MARCHF1: variants seen among roughly 807,000 people sequenced by gnomAD.
MARCHF1 encodes the protein membrane associated ring-CH-type finger 1.
Under a neutral mutation model 54.2 loss-of-function variants are expected in MARCHF1, and 40 were observed. That is an observed-to-expected ratio of 0.74 (90% confidence interval 0.57 to 0.96). MARCHF1 has a LOEUF of 0.96. MARCHF1 is among the 40% of genes least tolerant of loss of function. The pLI is 0.00. For missense variants in MARCHF1, 586 were observed against 656.5 expected (o/e 0.89, Z 1.17); for synonymous variants, 236 against 236.3 (o/e 1.00, Z 0.01).
At chr4:164,147,825 TAAAAAAAGTCAATA>T (rs1211668687) in intron 1 of MARCHF1, among the ~76,000 whole-genome samples, 22 of 132,354 alleles carry the variant, frequency 1.7e-4, no homozygotes, top group African/African-American at 5.7e-4. Flanking sequence ...AGTATAATAA[TAAAAAAAGTCAATA>T]AAAAAAATAA....
intron 7 of MARCHF1, 57 bp downstream of exon 7, chr4:163,612,214 T>G: frequency 7.2e-7 from 1 of 1,391,188 alleles, no homozygotes; most frequent in Non-Finnish European, 9.4e-7. Context: ...CGCACCTAAC[T>G]CACTGCAAAA....
chr4:164,324,083 C>G (rs546652549), intron 1 of MARCHF1, among the ~76,000 whole-genome samples: 1 of 151,812 alleles, frequency 6.6e-6, no homozygotes, highest in East Asian at 1.9e-4. Context: ...AATATGAATA[C>G]ATAGAACCTA....
chr4:163,964,708 C>G (rs1308449556), intron 3 of MARCHF1, among the ~76,000 whole-genome samples: 1 of 151,806 alleles, frequency 6.6e-6, no homozygotes, highest in Non-Finnish European at 1.5e-5. Context: ...TTCTATAACC[C>G]TTTTTCCATG....
intron 8 of MARCHF1, 43 bp downstream of exon 8, chr4:163,585,706 T>C: frequency 4.2e-6 from 6 of 1,431,942 alleles, no homozygotes; most frequent in Non-Finnish European, 5.6e-6. Context: ...CAAGTCTGCT[T>C]TGCAAATGGT....
intron 1 of MARCHF1, among the ~76,000 whole-genome samples, chr4:164,321,184 C>A (rs142913111): frequency 2.0e-5 from 3 of 152,106 alleles, no homozygotes; most frequent in Non-Finnish European, 4.4e-5. Context: ...TGATAGAAAA[C>A]CTCTGTAGAA....
chr4:164,120,363 A>T lies in MARCHF1; in HGVS notation c.-322-8701T>A, dbSNP rs144517146. ...AGTATTATTAGAGCTAAAGAGAGAGATAGGGCCCAATACATTAATAGCTGG... is the reference window on the plus strand; with the variant it reads ...AGTATTATTAGAGCTAAAGAGAGAGTTAGGGCCCAATACATTAATAGCTGG... On this transcript the variant is annotated intron_variant, in intron 1 of 9. Transcript: ENST00000514618. Among the ~76,000 whole-genome samples the T allele has an allele frequency of 3.6e-3, 553 of 152,250 alleles. 12 individuals are homozygous for T. The highest frequency in any genetic ancestry group is 0.03 in the Admixed American group (454 of 15,264).
At chr4:163,737,911 A>T (rs1381058193) in intron 4 of MARCHF1, among the ~76,000 whole-genome samples, 1 of 77,730 alleles carries the variant, frequency 1.3e-5, no homozygotes, top group East Asian at 2.0e-4. Context: ...ATTACTGGGT[A>T]TATACCCAAA....
At chr4:163,595,279 A>T (rs1374569391) in intron 7 of MARCHF1, among the ~76,000 whole-genome samples, 1 of 151,886 alleles carries the variant, frequency 6.6e-6, no homozygotes, top group Non-Finnish European at 1.5e-5. Context: ...TGGGAGGCCA[A>T]GGCAGAAGGA....
At chr4:164,291,741 C>T (rs916272200) in intron 1 of MARCHF1, among the ~76,000 whole-genome samples, 1 of 151,968 alleles carries the variant, frequency 6.6e-6, no homozygotes, top group East Asian at 1.9e-4. Context: ...TAGGAATTTG[C>T]ATATCTAAAT....
chr4:163,679,160 C>A (rs1188440073), intron 5 of MARCHF1, among the ~76,000 whole-genome samples: 1 of 152,162 alleles, frequency 6.6e-6, no homozygotes, highest in Non-Finnish European at 1.5e-5. Flanking sequence ...TCCTTTCCTG[C>A]TAGAATGTTT....
At chr4:163,807,020 TA>T (rs1323887679) in intron 4 of MARCHF1, among the ~76,000 whole-genome samples, 8 of 152,122 alleles carry the variant, frequency 5.3e-5, no homozygotes, top group Non-Finnish European at 1.2e-4. Flanking sequence ...GAGTATCAGA[TA>T]AAATATGCAA....
chr4:164,276,402 C>G (rs1472155360), intron 1 of MARCHF1, among the ~76,000 whole-genome samples: 4 of 152,112 alleles, frequency 2.6e-5, no homozygotes, highest in Non-Finnish European at 5.9e-5. Context: ...TAATCTGCCT[C>G]TCCTCTCACT....
chr4:164,356,669 C>T lies in MARCHF1; in HGVS notation c.-323+27201G>A, dbSNP rs560525390. Among the ~76,000 whole-genome samples, 28 of 137,362 alleles carry T rather than the reference C, an allele frequency of 2.0e-4. 1 individual carries two copies. In the South Asian group the frequency reaches 4.5e-3, roughly 22 times the overall value. The allele number at this position is 137,362 out of a possible 152,430, so 90.1% of individuals were successfully genotyped here. On this transcript the variant is annotated intron_variant, in intron 1 of 9. Coordinates refer to ENST00000514618, the MANE Select transcript of MARCHF1 (RefSeq NM_001394959.1). ...GGGAGATATACCTAAGGCTAGATGA[C>T]GAGTTAGTGGGTGCAGCGCACCAGC...
At chr4:163,683,147 C>T (rs138488752) in intron 5 of MARCHF1, among the ~76,000 whole-genome samples, 2 of 152,156 alleles carry the variant, frequency 1.3e-5, no homozygotes, top group African/African-American at 4.8e-5. Context: ...TGTTTTCACA[C>T]TGCTGATAAA....
At chr4:164,292,766 CATT>C (rs1375027922) in intron 1 of MARCHF1, among the ~76,000 whole-genome samples, 1 of 152,128 alleles carries the variant, frequency 6.6e-6, no homozygotes, top group African/African-American at 2.4e-5. Context: ...CATAAATTCA[CATT>C]AATATTAGTA....
intron 3 of MARCHF1, among the ~76,000 whole-genome samples, chr4:163,923,455 A>G (rs998285007): frequency 2.8e-4 from 42 of 152,074 alleles, no homozygotes; most frequent in Non-Finnish European, 5.2e-4. Context: ...TTCTGTATGG[A>G]AAATATAAAG....
chr4:163,638,232 T>C (rs1742417393), intron 5 of MARCHF1, among the ~76,000 whole-genome samples: 3 of 138,024 alleles, frequency 2.2e-5, no homozygotes, highest in African/African-American at 9.5e-5. Flanking sequence ...CCCTAAAACT[T>C]AAAGTATAAT....
chr4:164,169,629 T>A (rs547851937), intron 1 of MARCHF1, among the ~76,000 whole-genome samples: 3 of 152,238 alleles, frequency 2.0e-5, no homozygotes, highest in Admixed American at 6.5e-5. Flanking sequence ...ATATGTTTTT[T>A]AAAGTATGTA....
chr4:164,157,108 G>A (rs1730098522), intron 1 of MARCHF1, among the ~76,000 whole-genome samples: 1 of 151,774 alleles, frequency 6.6e-6, no homozygotes, highest in African/African-American at 2.4e-5. Flanking sequence ...ACATTTAAAT[G>A]TATTTATTTC....
Sources: gnomAD v4.1 joint callset for allele counts (sites outside exome capture counted in the v4.1 genomes callset) on GRCh38, gnomAD v4.1.1 for gene constraint, MANE v1.5 for transcripts, NCBI Gene and HGNC (gene_info 2026-07-23, HGNC 2026-07-21) for gene names.